SP1: variants seen among roughly 807,000 people sequenced by gnomAD.
SP1 encodes the protein transcription factor Sp1.
In SP1, 6 loss-of-function variants were observed where a neutral mutation model predicts 66.3. The observed-to-expected ratio is 0.09, with a 90% CI of 0.05 to 0.18. SP1 has a LOEUF of 0.18. Among genes scored for constraint, SP1 ranks in the 10% least tolerant of loss-of-function variants. SP1 has a pLI of 1.00. For synonymous variants in SP1, 417 were observed against 360.8 expected (o/e 1.16, Z -1.77); for missense variants, 848 against 964.5 (o/e 0.88, Z 1.60).
intron 3 of SP1, among the ~76,000 whole-genome samples, chr12:53,401,547 A>G (rs1565815023): frequency 6.6e-6 from 1 of 152,106 alleles, no homozygotes; most frequent in Non-Finnish European, 1.5e-5. Context: ...TTGAGATGTA[A>G]ACTGCAGAGT....
Position 53,382,445 on chromosome 12 carries a change from A to G in SP1, c.498A>G (p.Gly166=). 1 of 1,614,200 alleles carries G rather than the reference A, an allele frequency of 6.2e-7. No homozygotes were observed. The highest frequency in any genetic ancestry group is 8.5e-7 in the Non-Finnish European group (1 of 1,180,024). ...QNQQVLTGLP[G]VMPNIQYQVI... ...AGCAAGTTCTGACAGGACTACCTGG[A>G]GTGATGCCTAATATTCAGTATCAAG... Residue 166 remains glycine, a synonymous_variant, in exon 3 of 6, where the codon GGA becomes GGG. Coordinates refer to ENST00000327443, the MANE Select transcript of SP1 (RefSeq NM_138473.3).
rs887095405 is a variant in SP1, at chr12:53,415,421, AG to A, written c.*4187del. 1 of 152,510 alleles carries A rather than the reference AG, an allele frequency of 6.6e-6. No homozygotes were observed. The highest frequency in any genetic ancestry group is 1.9e-4 in the East Asian group (1 of 5,180). The allele number at this position is 152,510 out of a possible 1,614,324, so 9.4% of individuals were successfully genotyped here. On this transcript the variant is annotated 3_prime_UTR_variant, in exon 6 of 6. Transcript: ENST00000327443. ...GATCCAAGGCAGGGAAAGGAAAAGAAGGGGGGTCTCTGGCTTTATTACTCCC... is the reference window on the plus strand; with the variant it reads ...GATCCAAGGCAGGGAAAGGAAAAGAAGGGGGTCTCTGGCTTTATTACTCCC...
rs769570983 is a variant in SP1, at chr12:53,382,781, T to C, written c.834T>C (p.Thr278=). Reference sequence around the variant, plus strand: ...ACAGCGTTTCTGCAGCTACCTTGACTCCCAGCTCTCAGGCAGTCACGATCA... The same window carrying C: ...ACAGCGTTTCTGCAGCTACCTTGACCCCCAGCTCTCAGGCAGTCACGATCA... ...PVNSVSAATL[T]PSSQAVTISS... The change falls in exon 3 of 6, where the codon ACT becomes ACC. Residue 278 remains threonine (T), a synonymous_variant. Coordinates refer to ENST00000327443, the MANE Select transcript of SP1 (RefSeq NM_138473.3). 6.2e-7 allele frequency: 1 copy of C among 1,614,170 alleles called. No homozygotes were observed. The highest frequency in any genetic ancestry group is 1.7e-5 in the Admixed American group (1 of 60,016).
At chr12:53,410,387 T>C (rs1349854756) in intron 5 of SP1, among the ~76,000 whole-genome samples, 1 of 152,160 alleles carries the variant, frequency 6.6e-6, no homozygotes, top group Non-Finnish European at 1.5e-5. Context: ...TTACTCTTAG[T>C]CTCTGCCCTG....
chr12:53,393,307 C>CT (rs1362306334), intron 3 of SP1, among the ~76,000 whole-genome samples: 2 of 151,318 alleles, frequency 1.3e-5, no homozygotes, highest in Admixed American at 6.6e-5. Context: ...TCTTTTTTTT[C>CT]TTTTTTTTGA....
At position 53,414,951 on chromosome 12, in the gene SP1, C is replaced by T. The variant is rs2136925122; in HGVS notation, c.*3711C>T. 6.6e-6 allele frequency: 1 copy of T among 152,658 alleles called. No homozygotes were observed. The highest frequency in any genetic ancestry group is 2.1e-4 in the South Asian group (1 of 4,820). 9.5% of individuals were successfully genotyped at this position (152,658 alleles called of 1,614,324 possible). Reference sequence around the variant, plus strand: ...CAGTCTAGCTGCCTCAAGTGAGGGGCCCTTTGCATAGCTCTCCTTCCCCCT... The same window carrying T: ...CAGTCTAGCTGCCTCAAGTGAGGGGTCCTTTGCATAGCTCTCCTTCCCCCT... On this transcript the variant is annotated 3_prime_UTR_variant, in exon 6 of 6. Transcript: ENST00000327443.
At position 53,387,671 on chromosome 12, in the gene SP1, T is replaced by C. The variant is rs1043863132; in HGVS notation, c.1675+4049T>C. ...GTGCAACCTGTTTTAACTAGGGACT[T>C]GAACAATTCTTTAGATTGTTAAAAA... On this transcript the variant is annotated intron_variant, in intron 3 of 5. Transcript: ENST00000327443. Among the ~76,000 whole-genome samples, 13 of 152,144 alleles carry C rather than the reference T, an allele frequency of 8.5e-5. No individual in the cohort carries two copies. In the East Asian group the frequency reaches 1.7e-3, roughly 20 times the overall value.
chr12:53,382,072 T>C, intron 2 of SP1, 38 bp from the exon 3 acceptor site: 1 of 1,591,632 alleles, frequency 6.3e-7, no homozygotes, highest in Non-Finnish European at 8.6e-7. Flanking sequence ...GGCAGCTGGG[T>C]GTCACTAACT....
intron 1 of SP1, 49 bp from the exon 2 acceptor site, chr12:53,381,605 CTTCAT>C (rs1387987301): frequency 4.0e-6 from 6 of 1,485,786 alleles, no homozygotes; most frequent in Non-Finnish European, 5.5e-6. Flanking sequence ...ATCCTTCCTA[CTTCAT>C]TTCTTTTCTT....
chr12:53,408,511 C>T (rs569934735), intron 4 of SP1, among the ~76,000 whole-genome samples: 78 of 151,630 alleles, frequency 5.1e-4, no homozygotes, highest in African/African-American at 1.7e-3. Flanking sequence ...AGGCTGGTCT[C>T]GGATCCCTGA....
At chr12:53,386,479 C>CTTTTTTTTT (rs372557385) in intron 3 of SP1, among the ~76,000 whole-genome samples, 14 of 121,264 alleles carry the variant, frequency 1.2e-4, no homozygotes, top group Non-Finnish European at 1.3e-4. Context: ...TAGACTGTAT[C>CTTTTTTTTT]TTTTTTTTTT....
At chr12:53,397,754 A>G (rs1014176062) in intron 3 of SP1, among the ~76,000 whole-genome samples, 1 of 151,722 alleles carries the variant, frequency 6.6e-6, no homozygotes, top group Admixed American at 6.6e-5. Context: ...GGGTTTCACC[A>G]TGTTGGCCTG....
chr12:53,410,350 A>G (rs1284744186), intron 5 of SP1, among the ~76,000 whole-genome samples: 4 of 151,984 alleles, frequency 2.6e-5, no homozygotes, highest in Non-Finnish European at 5.9e-5. Flanking sequence ...TTTGAGTGGG[A>G]TTTTTGAAGG....
At chr12:53,404,964 G>C (rs1485507776) in intron 3 of SP1, among the ~76,000 whole-genome samples, 3 of 152,060 alleles carry the variant, frequency 2.0e-5, no homozygotes, top group African/African-American at 7.2e-5. Flanking sequence ...CTCCCGAATA[G>C]CTAGGATTAC....
chr12:53,411,654 T>TA lies in SP1; in HGVS notation c.*414_*415insA, dbSNP rs1555199301. The stretch of plus-strand genomic sequence containing the variant: ...TTAACAAAAAACAGATTCTATATTA[T>TA]TATATATATATATATATATATAAAG... On this transcript the variant is annotated 3_prime_UTR_variant, in exon 6 of 6. Transcript: ENST00000327443. 2.1e-5 allele frequency: 3 copies of TA among 142,106 alleles called. No individual in the cohort carries two copies. Among genetic ancestry groups the TA allele is most frequent in the African/African-American group, 5.2e-5 (2 of 38,460 alleles). The allele number at this position is 142,106 out of a possible 1,614,324, so 8.8% of individuals were successfully genotyped here.
chr12:53,406,065 CTTTT>C (rs1170832065), intron 3 of SP1, among the ~76,000 whole-genome samples: 1 of 82,412 alleles, frequency 1.2e-5, no homozygotes, highest in Non-Finnish European at 2.5e-5. Flanking sequence ...TATTTTCTTT[CTTTT>C]TTTTTTTTTT....
chr12:53,405,081 T>A (rs1450907485), intron 3 of SP1, among the ~76,000 whole-genome samples: 1 of 151,918 alleles, frequency 6.6e-6, no homozygotes, highest in Non-Finnish European at 1.5e-5. Flanking sequence ...ACTCCTGACC[T>A]CAAGTGATCC....
chr12:53,380,252 C>CCCCCCCCA lies in SP1; in HGVS notation c.-39_-38insCCCCCCAC. 6.6e-7 allele frequency: 1 copy of CCCCCCCCA among 1,519,200 alleles called. No homozygotes were observed. Among genetic ancestry groups the CCCCCCCCA allele is most frequent in the Non-Finnish European group, 9.1e-7 (1 of 1,096,474 alleles). 94.1% of individuals were successfully genotyped at this position (1,519,200 alleles called of 1,614,324 possible). ...TTTTTCCCGGCCCCCCCCAACCCCC[C>CCCCCCCCA]CGGACAGGACCCCCTTGAGCTTGTC... On this transcript the variant is annotated 5_prime_UTR_variant, in exon 1 of 6. Coordinates refer to ENST00000327443, the MANE Select transcript of SP1 (RefSeq NM_138473.3).
intron 3 of SP1, among the ~76,000 whole-genome samples, chr12:53,405,665 AAAAG>A (rs1938716011): frequency 6.6e-6 from 1 of 151,218 alleles, no homozygotes; most frequent in Admixed American, 6.6e-5. Flanking sequence ...CTGTCTCAAA[AAAAG>A]AAAGGAAAGA....
Sources: allele counts gnomAD v4.1 joint callset (sites outside exome capture counted in the v4.1 genomes callset), GRCh38; gene constraint gnomAD v4.1.1; transcripts MANE v1.5; gene names NCBI Gene and HGNC (gene_info 2026-07-23, HGNC 2026-07-21).